FNDC3A: variants seen among roughly 807,000 people sequenced by gnomAD.
FNDC3A encodes the protein fibronectin type-III domain-containing protein 3A.
A neutral mutation model predicts 148.9 loss-of-function variants in FNDC3A; 32 were observed. The ratio of observed to expected loss-of-function variants is 0.21; its 90% confidence interval spans 0.16 to 0.29. The LOEUF (loss-of-function observed/expected upper bound fraction) is 0.29, where lower values mean the gene tolerates loss of function less well. Among genes scored for constraint, FNDC3A ranks in the 10% least tolerant of loss-of-function variants. The probability of loss-of-function intolerance (pLI) is 1.00; values close to 1 mark genes in which losing one functional copy is unlikely to be tolerated. For synonymous variants in FNDC3A, 472 were observed against 473.6 expected (o/e 1.00, Z 0.04); for missense variants, 1,191 against 1,452.8 (o/e 0.82, Z 2.93).
intron 8 of FNDC3A, among the ~76,000 whole-genome samples, chr13:49,151,381 C>T (rs1883285503): frequency 6.6e-6 from 1 of 152,020 alleles, no homozygotes; most frequent in South Asian, 2.1e-4. Flanking sequence ...TCTGTTTTAT[C>T]TGAGTGTAGC....
In FNDC3A at chr13:49,207,440, T is replaced by C. The variant is rs1886703909; in HGVS notation, c.*45T>C. 1.7e-6 allele frequency: 2 copies of C among 1,204,106 alleles called. No homozygotes were observed. The highest frequency in any genetic ancestry group is 2.5e-5 in the East Asian group (1 of 39,312). 74.6% of individuals were successfully genotyped at this position (1,204,106 alleles called of 1,614,324 possible). ...AACTCTATTACATTTTATTTTGTCA[T>C]GTACTAAAATTATTTCTGTATTGCT... On this transcript the variant is annotated 3_prime_UTR_variant, in exon 26 of 26. Transcript: ENST00000492622.
chr13:49,128,054 G>T (rs1024340459), intron 4 of FNDC3A, among the ~76,000 whole-genome samples: 1 of 152,064 alleles, frequency 6.6e-6, no homozygotes, highest in Non-Finnish European at 1.5e-5. Flanking sequence ...GCTAATTTTT[G>T]TATTTTTAGT....
intron 3 of FNDC3A, among the ~76,000 whole-genome samples, chr13:49,090,421 A>G (rs973380462): frequency 1.4e-4 from 22 of 151,994 alleles, no homozygotes; most frequent in Admixed American, 1.4e-3. Flanking sequence ...CTCAAAAACA[A>G]AACAAAACAA....
At chr13:49,084,650 A>T (rs140593863) in intron 3 of FNDC3A, among the ~76,000 whole-genome samples, 1 of 152,248 alleles carries the variant, frequency 6.6e-6, no homozygotes, top group Non-Finnish European at 1.5e-5. Flanking sequence ...TTGTTTTCTC[A>T]TACCTCACGC....
intron 1 of FNDC3A, among the ~76,000 whole-genome samples, chr13:48,992,428 A>G (rs1355764940): frequency 6.6e-6 from 1 of 152,208 alleles, no homozygotes; most frequent in African/African-American, 2.4e-5. Context: ...TATATAAAGC[A>G]CTATCAAAAC....
rs58007137 is a variant in FNDC3A at position 48,990,588 on chromosome 13, CAAAA to C, written c.-40+14432_-40+14435del. ...GCAACATGGTGAAATCCTGTCTCTC[CAAAA>C]AAAAAAAAAAAAAAAAAAAATTAGC... On this transcript the variant is annotated intron_variant, in intron 1 of 25. Transcript: ENST00000492622. 1.2e-4 allele frequency among the ~76,000 whole-genome samples: 7 copies of C among 58,118 alleles called. No homozygotes were observed. The East Asian group carries it at 3.0e-3, about 25-fold the overall frequency. 38.1% of individuals were successfully genotyped at this position (58,118 alleles called of 152,430 possible). A position where few individuals can be genotyped will look rare whatever the true frequency, so the allele number is the denominator to read the frequency against.
At chr13:49,075,213 T>C in intron 2 of FNDC3A, 76 bp from the exon 3 acceptor site, 1 of 826,418 alleles carries the variant, frequency 1.2e-6, no homozygotes, top group Non-Finnish European at 2.0e-6. Flanking sequence ...ATAGCTTATA[T>C]CTGCTCTGTT....
intron 13 of FNDC3A, among the ~76,000 whole-genome samples, chr13:49,175,881 A>G (rs537566223): frequency 4.6e-5 from 7 of 152,238 alleles, no homozygotes; most frequent in African/African-American, 1.4e-4. Context: ...ATCAGTACCT[A>G]GTTTATTGAG....
At chr13:49,202,778 G>A (rs1886479138) in intron 24 of FNDC3A, among the ~76,000 whole-genome samples, 1 of 152,206 alleles carries the variant, frequency 6.6e-6, no homozygotes, top group Admixed American at 6.5e-5. Context: ...TGAAGTGGGA[G>A]GCTCACTTAA....
chr13:49,063,530 G>A (rs1256253784), intron 2 of FNDC3A, among the ~76,000 whole-genome samples: 1 of 152,162 alleles, frequency 6.6e-6, no homozygotes, highest in Non-Finnish European at 1.5e-5. Flanking sequence ...TTACAAGTAG[G>A]TTTTGAAATG....
rs774340147 is a variant in FNDC3A, at chr13:49,167,279, A to G, written c.1013A>G (p.Lys338Arg). 2.2e-5 allele frequency: 35 copies of G among 1,604,852 alleles called. No homozygotes were observed. The highest frequency in any genetic ancestry group is 2.9e-5 in the Non-Finnish European group (34 of 1,174,458). The change falls in exon 9 of 26, where the codon AAG becomes AGG. Residue 338 changes from lysine to arginine, a missense_variant. Physicochemically the swap from Lys to Arg is conservative, Grantham distance 26 (BLOSUM62 2). Transcript: ENST00000492622. ...ACAAATATCACTTTAAATGATCTCA[A>G]GCCAGCCATGGATTACCATGCAAAG... The part of the protein sequence containing the change: ...EETNITLNDL[K>R]PAMDYHAKVQ...
intron 3 of FNDC3A, among the ~76,000 whole-genome samples, chr13:49,079,468 A>G (rs1425122786): frequency 6.6e-6 from 1 of 152,206 alleles, no homozygotes; most frequent in East Asian, 1.9e-4. Flanking sequence ...ATGACACATG[A>G]GCCTCCTCGA....
At chr13:49,088,616 G>C (rs1303036740) in intron 3 of FNDC3A, among the ~76,000 whole-genome samples, 1 of 152,112 alleles carries the variant, frequency 6.6e-6, no homozygotes, top group African/African-American at 2.4e-5. Context: ...ATTTAACCCA[G>C]TGTATTATTT....
intron 11 of FNDC3A, among the ~76,000 whole-genome samples, chr13:49,173,137 G>A (rs1884849880): frequency 1.3e-5 from 2 of 152,240 alleles, no homozygotes; most frequent in Non-Finnish European, 2.9e-5. Context: ...GACAAGCTTG[G>A]TTTAGTACAT....
At chr13:49,068,109 G>A (rs530234086) in intron 2 of FNDC3A, among the ~76,000 whole-genome samples, 6 of 152,014 alleles carry the variant, frequency 3.9e-5, no homozygotes, top group East Asian at 1.9e-4. Context: ...CGAGCTGGGC[G>A]GATCGCTTGA....
At chr13:49,169,839 G>C (rs2138049923) in intron 10 of FNDC3A, among the ~76,000 whole-genome samples, 1 of 152,256 alleles carries the variant, frequency 6.6e-6, no homozygotes, top group East Asian at 1.9e-4. Context: ...TGTAAGTCAA[G>C]CAGCTGTGTA....
intron 1 of FNDC3A, among the ~76,000 whole-genome samples, chr13:48,996,722 A>G (rs1952030656): frequency 1.3e-5 from 2 of 152,190 alleles, no homozygotes; most frequent in South Asian, 2.1e-4. Flanking sequence ...CTGGAGACAT[A>G]CAGTTTTTAG....
intron 1 of FNDC3A, among the ~76,000 whole-genome samples, chr13:48,989,776 A>G (rs1217243032): frequency 2.0e-5 from 3 of 151,204 alleles, no homozygotes; most frequent in Admixed American, 2.0e-4. Flanking sequence ...TTTTTGAGAC[A>G]AAGTCTCGCT....
chr13:49,061,802 TCTCTC>T (rs569457919), intron 2 of FNDC3A, among the ~76,000 whole-genome samples: 1,055 of 38,298 alleles, frequency 0.028, 35 homozygotes, highest in Middle Eastern at 0.043. Flanking sequence ...CCTCTCCTCT[TCTCTC>T]CTCTCCTCTC....
Sources: allele counts gnomAD v4.1 joint callset (sites outside exome capture counted in the v4.1 genomes callset), GRCh38; gene constraint gnomAD v4.1.1; transcripts MANE v1.5; gene names NCBI Gene and HGNC (gene_info 2026-07-23, HGNC 2026-07-21).